LRP1B: variants seen among roughly 807,000 people sequenced by gnomAD.
LRP1B encodes low-density lipoprotein receptor-related protein 1B.
In LRP1B, 217 loss-of-function variants were observed where a neutral mutation model predicts 556.6. The observed-to-expected ratio is 0.39, with a 90% CI of 0.35 to 0.44. The LOEUF (loss-of-function observed/expected upper bound fraction) is 0.44, where lower values mean the gene tolerates loss of function less well. LRP1B is among the 20% of genes least tolerant of loss of function. The pLI, the probability that LRP1B is intolerant of heterozygous loss-of-function variation, is 1.00. For missense variants in LRP1B, 5,053 were observed against 5,620.8 expected (o/e 0.90, Z 3.23); for synonymous variants, 2,047 against 1,865.8 (o/e 1.10, Z -2.50).
intron 27 of LRP1B, among the ~76,000 whole-genome samples, chr2:140,866,630 A>C (rs1692960844): frequency 6.6e-6 from 1 of 152,112 alleles, no homozygotes; most frequent in Non-Finnish European, 1.5e-5. Context: ...AGATTCAATC[A>C]GATTGTCAGA....
intron 10 of LRP1B, among the ~76,000 whole-genome samples, chr2:141,050,417 G>A (rs1473181094): frequency 6.6e-6 from 1 of 151,934 alleles, no homozygotes; most frequent in African/African-American, 2.4e-5. Context: ...CACCATGGTG[G>A]TTTGCTGCAC....
At chr2:140,735,741 C>T (rs1259795562) in intron 35 of LRP1B, among the ~76,000 whole-genome samples, 1 of 152,138 alleles carries the variant, frequency 6.6e-6, no homozygotes, top group East Asian at 1.9e-4. Flanking sequence ...CCCTTTAGGA[C>T]ATGCACTCAC....
chr2:140,360,065 C>A (rs1475804686), intron 72 of LRP1B, among the ~76,000 whole-genome samples: 1 of 151,584 alleles, frequency 6.6e-6, no homozygotes, highest in African/African-American at 2.4e-5. Flanking sequence ...TCTCCAGCTT[C>A]ATATTCCATC....
At chr2:140,749,735 T>G (rs1392058018) in intron 35 of LRP1B, among the ~76,000 whole-genome samples, 2 of 152,204 alleles carry the variant, frequency 1.3e-5, no homozygotes, top group African/African-American at 2.4e-5. Flanking sequence ...AGTTAACTTT[T>G]TTTAATAAGT....
At chr2:141,166,274 C>T (rs981106008) in intron 7 of LRP1B, among the ~76,000 whole-genome samples, 34 of 151,910 alleles carry the variant, frequency 2.2e-4, no homozygotes, top group Admixed American at 1.6e-3. Flanking sequence ...TCTCACTTTC[C>T]TTCCCATCGT....
At chr2:140,874,995 G>T (rs545265754) in intron 25 of LRP1B, among the ~76,000 whole-genome samples, 88 of 150,580 alleles carry the variant, frequency 5.8e-4, no homozygotes, top group African/African-American at 1.7e-3. Context: ...TATACCCTGT[G>T]CAACAAAAGC....
At chr2:141,854,494 A>G (rs577507104) in intron 1 of LRP1B, among the ~76,000 whole-genome samples, 30 of 152,238 alleles carry the variant, frequency 2.0e-4, no homozygotes, top group African/African-American at 7.0e-4. Context: ...AAGACATTAG[A>G]TGAAAACTAA....
At chr2:141,118,762 G>T (rs761722343) in intron 7 of LRP1B, among the ~76,000 whole-genome samples, 4 of 151,688 alleles carry the variant, frequency 2.6e-5, no homozygotes, top group Non-Finnish European at 4.4e-5. Flanking sequence ...AGGTATCTAA[G>T]CATTTTATTT....
intron 43 of LRP1B, among the ~76,000 whole-genome samples, chr2:140,545,593 T>C (rs1293943611): frequency 6.6e-6 from 1 of 152,094 alleles, no homozygotes; most frequent in Admixed American, 6.6e-5. Flanking sequence ...CAGACAGTTG[T>C]AGGTATGCAG....
intron 56 of LRP1B, among the ~76,000 whole-genome samples, chr2:140,495,311 T>G (rs1045412571): frequency 7.2e-6 from 1 of 138,060 alleles, no homozygotes; most frequent in African/African-American, 2.8e-5. Flanking sequence ...CTAGAGATAG[T>G]TCTTTTTTTT....
At chr2:141,957,489 A>C (rs1470072343) in intron 1 of LRP1B, among the ~76,000 whole-genome samples, 2 of 151,584 alleles carry the variant, frequency 1.3e-5, no homozygotes, top group African/African-American at 4.9e-5. Context: ...CCTTGTCGGG[A>C]GAACTCAGTC....
At chr2:140,367,955 T>C (rs1359670310) in intron 71 of LRP1B, among the ~76,000 whole-genome samples, 1 of 151,812 alleles carries the variant, frequency 6.6e-6, no homozygotes, top group Non-Finnish European at 1.5e-5. Context: ...GAGTGTTGGA[T>C]ATGCCACTGA....
intron 2 of LRP1B, among the ~76,000 whole-genome samples, chr2:141,803,071 T>A (rs781157252): frequency 2.6e-5 from 4 of 152,044 alleles, no homozygotes; most frequent in African/African-American, 7.2e-5. Flanking sequence ...GAGGGACATG[T>A]GTCCCCTTTT....
chr2:141,648,490 A>G (rs1432786751), intron 2 of LRP1B, among the ~76,000 whole-genome samples: 1 of 151,992 alleles, frequency 6.6e-6, no homozygotes, highest in African/African-American at 2.4e-5. Context: ...TCTCTTTTCT[A>G]TTCCTACACT....
At chr2:140,495,771 A>G (rs1350027466) in intron 55 of LRP1B, 23 bp from the exon 56 acceptor site, 2 of 1,579,448 alleles carry the variant, frequency 1.3e-6, no homozygotes, top group Non-Finnish European at 1.7e-6. Flanking sequence ...AAATGAGCAT[A>G]ATCAATTCAT....
At chr2:140,651,036 C>T (rs908888296) in intron 41 of LRP1B, among the ~76,000 whole-genome samples, 1 of 151,964 alleles carries the variant, frequency 6.6e-6, no homozygotes, top group African/African-American at 2.4e-5. Flanking sequence ...AGTTAGTCAT[C>T]CTTAAGTACA....
intron 1 of LRP1B, among the ~76,000 whole-genome samples, chr2:142,083,507 G>C (rs1334945199): frequency 2.0e-5 from 3 of 152,142 alleles, no homozygotes; most frequent in Non-Finnish European, 4.4e-5. Context: ...GGCTCTTAGA[G>C]TTTATCATGT....
chr2:141,053,412 C>T (rs957141656), intron 10 of LRP1B, among the ~76,000 whole-genome samples: 3 of 151,944 alleles, frequency 2.0e-5, no homozygotes, highest in African/African-American at 7.2e-5. Flanking sequence ...CAGTTAGGGA[C>T]TATCAGATGA....
intron 2 of LRP1B, among the ~76,000 whole-genome samples, chr2:141,661,934 A>G (rs1234676007): frequency 6.6e-6 from 1 of 152,182 alleles, no homozygotes; most frequent in Non-Finnish European, 1.5e-5. Context: ...CCAGAGAGAA[A>G]GGCCAGGTCA....
Sources: allele counts gnomAD v4.1 joint callset (sites outside exome capture counted in the v4.1 genomes callset), GRCh38; gene constraint gnomAD v4.1.1; transcripts MANE v1.5; gene names NCBI Gene and HGNC (gene_info 2026-07-23, HGNC 2026-07-21).